The following PPARG variants were observed in gnomAD, a reference collection of about 807,000 sequenced individuals.
PPARG encodes peroxisome proliferator activated receptor gamma.
PPARG carries 17 observed loss-of-function variants against 39.2 expected under a neutral mutation model. The observed-to-expected ratio is 0.43, with a 90% CI of 0.30 to 0.65. The LOEUF is 0.65. Among genes scored for constraint, PPARG ranks in the 30% least tolerant of loss-of-function variants. The pLI, the probability that PPARG is intolerant of heterozygous loss-of-function variation, is 0.13. For synonymous variants in PPARG, 223 were observed against 215.7 expected (o/e 1.03, Z -0.30); for missense variants, 406 against 585.9 (o/e 0.69, Z 3.17).
chr3:12,310,539 C>T (rs1271682007), intron 1 of PPARG, among the ~76,000 whole-genome samples: 2 of 76,698 alleles, frequency 2.6e-5, no homozygotes, highest in African/African-American at 8.9e-5. Context: ...TCTCGGCTCA[C>T]TGCAAGCTCC....
intron 6 of PPARG, among the ~76,000 whole-genome samples, chr3:12,413,816 C>CAA (rs10575755): frequency 1.2e-3 from 76 of 60,958 alleles, no homozygotes; most frequent in Non-Finnish European, 1.9e-3. Flanking sequence ...AACTCCATCT[C>CAA]AAAAAAAAAA....
At chr3:12,405,070 A>G (rs2050612428) in intron 5 of PPARG, among the ~76,000 whole-genome samples, 1 of 152,248 alleles carries the variant, frequency 6.6e-6, no homozygotes, top group African/African-American at 2.4e-5. Context: ...CCAAAGGAAC[A>G]TGATTCAAAA....
chr3:12,398,564 C>T (rs1373446066), intron 5 of PPARG, among the ~76,000 whole-genome samples: 1 of 152,184 alleles, frequency 6.6e-6, no homozygotes, highest in African/African-American at 2.4e-5. Context: ...GAATCATCAG[C>T]ACCCATTGTA....
chr3:12,299,313 A>G (rs2124947532), intron 1 of PPARG, among the ~76,000 whole-genome samples: 2 of 152,224 alleles, frequency 1.3e-5, no homozygotes, highest in East Asian at 3.9e-4. Context: ...AATGACGGTG[A>G]CTAAGAGGGG....
chr3:12,332,576 A>T (rs1441883984), intron 2 of PPARG, among the ~76,000 whole-genome samples: 1 of 152,174 alleles, frequency 6.6e-6, no homozygotes, highest in African/African-American at 2.4e-5. Context: ...GTGGATTTTT[A>T]TGTAATGCCA....
chr3:12,414,116 G>A (rs1012869329), intron 6 of PPARG, among the ~76,000 whole-genome samples: 2 of 152,186 alleles, frequency 1.3e-5, no homozygotes, highest in East Asian at 1.9e-4. Flanking sequence ...CACTTACATG[G>A]AGGTGAAAGA....
intron 2 of PPARG, chr3:12,328,131 A>C: frequency 7.7e-7 from 1 of 1,290,448 alleles, no homozygotes; most frequent in Non-Finnish European, 1.1e-6. Context: ...AGTCCAAGGA[A>C]GCAATTCACA....
chr3:12,358,145 A>T (rs931061068), intron 2 of PPARG, among the ~76,000 whole-genome samples: 1 of 152,208 alleles, frequency 6.6e-6, no homozygotes, highest in Non-Finnish European at 1.5e-5. Flanking sequence ...TTTGAGTAGC[A>T]TTCATTGAAT....
At chr3:12,398,888 G>A (rs1484525743) in intron 5 of PPARG, among the ~76,000 whole-genome samples, 1 of 152,236 alleles carries the variant, frequency 6.6e-6, no homozygotes, top group African/African-American at 2.4e-5. Flanking sequence ...GAAGTGAATA[G>A]AAAGTGACAA....
intron 7 of PPARG, 129 bp downstream of exon 7, chr3:12,417,283 C>T: frequency 1.1e-6 from 1 of 943,502 alleles, no homozygotes; most frequent in Non-Finnish European, 1.6e-6. Flanking sequence ...TGCCATGAAT[C>T]ATCACTACAC....
chr3:12,301,347 G>T (rs75027888), intron 1 of PPARG, among the ~76,000 whole-genome samples: 6 of 152,140 alleles, frequency 3.9e-5, no homozygotes, highest in African/African-American at 9.7e-5. Context: ...TACTACTCAT[G>T]CATAAAATAA....
chr3:12,349,980 A>G (rs953374823), intron 2 of PPARG, among the ~76,000 whole-genome samples: 5 of 152,328 alleles, frequency 3.3e-5, no homozygotes, highest in African/African-American at 4.8e-5. Context: ...CTTTGAGGAC[A>G]TGAGGACAGG....
intron 2 of PPARG, among the ~76,000 whole-genome samples, chr3:12,361,435 C>T (rs1192761967): frequency 6.6e-6 from 1 of 152,072 alleles, no homozygotes; most frequent in East Asian, 1.9e-4. Context: ...TTGCCTACTC[C>T]AAGGTTGATA....
intron 2 of PPARG, among the ~76,000 whole-genome samples, chr3:12,334,285 C>T (rs2047948138): frequency 6.7e-6 from 1 of 150,176 alleles, no homozygotes; most frequent in African/African-American, 2.5e-5. Flanking sequence ...GGCTGGAGTG[C>T]AGTGGTACGA....
intron 5 of PPARG, among the ~76,000 whole-genome samples, chr3:12,394,402 T>C (rs2050185764): frequency 6.6e-6 from 1 of 152,210 alleles, no homozygotes; most frequent in Non-Finnish European, 1.5e-5. Flanking sequence ...GCTTATTGTT[T>C]ATAGGCAAAT....
At chr3:12,299,739 C>T (rs1278713545) in intron 1 of PPARG, among the ~76,000 whole-genome samples, 1 of 151,586 alleles carries the variant, frequency 6.6e-6, no homozygotes, top group Non-Finnish European at 1.5e-5. Context: ...ATTATTTAAC[C>T]CTAAGAAAAT....
At chr3:12,317,333 G>A (rs1046595506) in intron 2 of PPARG, among the ~76,000 whole-genome samples, 4 of 152,092 alleles carry the variant, frequency 2.6e-5, no homozygotes, top group African/African-American at 9.7e-5. Context: ...CTAAAAAGCT[G>A]ATTTTTTAAA....
chr3:12,314,075 G>A (rs1355174992), intron 2 of PPARG, among the ~76,000 whole-genome samples: 5 of 152,140 alleles, frequency 3.3e-5, no homozygotes, highest in Admixed American at 1.3e-4. Context: ...TCAGGAGTTC[G>A]AGACCAGACT....
chr3:12,313,338 C>T (rs2047302220), intron 2 of PPARG, among the ~76,000 whole-genome samples: 1 of 152,120 alleles, frequency 6.6e-6, no homozygotes, highest in Admixed American at 6.5e-5. Context: ...GAAGCAGTGA[C>T]TCCCCAGTAG....
Sources: gnomAD v4.1 joint callset for allele counts (sites outside exome capture counted in the v4.1 genomes callset) on GRCh38, gnomAD v4.1.1 for gene constraint, MANE v1.5 for transcripts, NCBI Gene and HGNC (gene_info 2026-07-23, HGNC 2026-07-21) for gene names.